Variants in TTC27 observed in about 807,000 individuals in gnomAD.
The protein encoded by TTC27 is tetratricopeptide repeat protein 27.
In TTC27, 79 loss-of-function variants were observed where a neutral mutation model predicts 115.9. That is an observed-to-expected ratio of 0.68 (90% CI 0.57 to 0.82). The LOEUF (loss-of-function observed/expected upper bound fraction) is 0.82, where lower values mean the gene tolerates loss of function less well. TTC27 is among the 40% of genes least tolerant of loss of function. TTC27 has a pLI of 0.00. For missense variants in TTC27, 1,054 were observed against 993.1 expected (o/e 1.06, Z -0.82); for synonymous variants, 401 against 356.0 (o/e 1.13, Z -1.42).
Position 32,650,137 on chromosome 2 carries a change from C to T in TTC27, c.544C>T (p.Pro182Ser). The T allele has an allele frequency of 6.2e-7, 1 of 1,612,840 alleles. No homozygotes were observed. Among genetic ancestry groups the T allele is most frequent in the Non-Finnish European group, 8.5e-7 (1 of 1,179,222 alleles). Residue 182 changes from proline to serine, a missense_variant, in exon 5 of 20, where the codon CCA becomes TCA. Transcript: ENST00000317907. ...RHKLTAIQSLPWWTLRCVNIH... is the reference protein window; with the variant it reads ...RHKLTAIQSLSWWTLRCVNIH... ...ACGTGGTGTTTTTTCCTAGAGCTTG[C>T]CATGGTGGACTTTGAGATGTGTGAA...
In TTC27 at chr2:32,667,203, T is replaced by C. The variant is rs1034259916; in HGVS notation, c.939+435T>C. On this transcript the variant is annotated intron_variant, in intron 7 of 19. Coordinates refer to ENST00000317907, the MANE Select transcript of TTC27 (RefSeq NM_017735.5). ...ATATAAACATTATCAGAATTCCTTT[T>C]CACTAGTTTTGTGATCGGCCTTTTG... Among the ~76,000 whole-genome samples, 103 of 152,136 alleles carry C rather than the reference T, an allele frequency of 6.8e-4. 1 individual carries two copies. The highest frequency in any genetic ancestry group is 2.1e-4 in the Non-Finnish European group (14 of 68,040).
At chr2:32,740,603 T>TGA (rs1364006309) in intron 12 of TTC27, among the ~76,000 whole-genome samples, 5 of 152,202 alleles carry the variant, frequency 3.3e-5, no homozygotes, top group African/African-American at 1.2e-4. Context: ...GGGTTAAGTC[T>TGA]GAGCTGTTTC....
chr2:32,664,501 T>C, intron 6 of TTC27, 34 bp downstream of exon 6: 1 of 1,570,644 alleles, frequency 6.4e-7, no homozygotes, highest in Non-Finnish European at 8.6e-7. Flanking sequence ...ATTGATTTTA[T>C]TTTTATGATA....
At chr2:32,717,128 C>T (rs576243211) in intron 10 of TTC27, among the ~76,000 whole-genome samples, 1 of 151,878 alleles carries the variant, frequency 6.6e-6, no homozygotes. Flanking sequence ...TTCAGCCCCC[C>T]ACGCCCAACT....
intron 3 of TTC27, among the ~76,000 whole-genome samples, chr2:32,635,012 C>G (rs2151859847): frequency 6.6e-6 from 1 of 152,194 alleles, no homozygotes; most frequent in East Asian, 1.9e-4. Context: ...GGTTTGCTCC[C>G]AGGGGTGGCT....
At chr2:32,739,314 G>T (rs1294267467) in intron 12 of TTC27, among the ~76,000 whole-genome samples, 1 of 152,038 alleles carries the variant, frequency 6.6e-6, no homozygotes, top group Non-Finnish European at 1.5e-5. Flanking sequence ...TAAGCAAGTT[G>T]GTAAATCACA....
At chr2:32,699,857 T>C (rs1465807379) in intron 9 of TTC27, among the ~76,000 whole-genome samples, 1 of 152,236 alleles carries the variant, frequency 6.6e-6, no homozygotes, top group Non-Finnish European at 1.5e-5. Context: ...TTGGTTGACC[T>C]TCAAATAAAA....
chr2:32,708,417 T>C (rs993133048), intron 10 of TTC27, among the ~76,000 whole-genome samples: 10 of 149,772 alleles, frequency 6.7e-5, no homozygotes, highest in African/African-American at 2.5e-4. Flanking sequence ...GTTCAAGCGA[T>C]TCTCTTGCCT....
intron 16 of TTC27, among the ~76,000 whole-genome samples, chr2:32,805,913 T>A (rs1052074135): frequency 1.3e-5 from 2 of 152,224 alleles, no homozygotes; most frequent in Admixed American, 6.5e-5. Flanking sequence ...CATGACCTAC[T>A]TCAGCAACTA....
At chr2:32,789,128 ATTGT>A (rs1205050680) in intron 16 of TTC27, among the ~76,000 whole-genome samples, 1 of 152,158 alleles carries the variant, frequency 6.6e-6, no homozygotes, top group Non-Finnish European at 1.5e-5. Flanking sequence ...CTATTCAAAG[ATTGT>A]TTGGAAAAGC....
At chr2:32,768,643 G>A (rs968392607) in intron 13 of TTC27, among the ~76,000 whole-genome samples, 1 of 152,142 alleles carries the variant, frequency 6.6e-6, no homozygotes, top group Non-Finnish European at 1.5e-5. Flanking sequence ...TTGTGGTTTT[G>A]AATTAAAAAG....
At chr2:32,713,168 C>T (rs1044746537) in intron 10 of TTC27, among the ~76,000 whole-genome samples, 6 of 152,078 alleles carry the variant, frequency 3.9e-5, no homozygotes, top group Non-Finnish European at 8.8e-5. Flanking sequence ...TAGACTTCCC[C>T]GTCTCCAGAA....
chr2:32,696,817 A>G (rs899259757), intron 9 of TTC27, among the ~76,000 whole-genome samples: 1 of 152,246 alleles, frequency 6.6e-6, no homozygotes, highest in African/African-American at 2.4e-5. Flanking sequence ...AAGATAGGAT[A>G]AAGTATCTTC....
At chr2:32,766,129 A>G (rs1484230203) in intron 13 of TTC27, among the ~76,000 whole-genome samples, 2 of 152,222 alleles carry the variant, frequency 1.3e-5, no homozygotes, top group Non-Finnish European at 2.9e-5. Context: ...AGTTTTCGAC[A>G]TGCCTTTCTC....
At chr2:32,682,189 C>T (rs1666455342) in intron 9 of TTC27, among the ~76,000 whole-genome samples, 1 of 151,988 alleles carries the variant, frequency 6.6e-6, no homozygotes, top group Non-Finnish European at 1.5e-5. Flanking sequence ...ATATCCTACA[C>T]CCTGGAATAG....
intron 4 of TTC27, among the ~76,000 whole-genome samples, chr2:32,645,740 A>C (rs1034730606): frequency 6.6e-6 from 1 of 151,712 alleles, no homozygotes; most frequent in African/African-American, 2.4e-5. Flanking sequence ...TTTTTGAGAC[A>C]GAGTTTTACT....
rs1030997573 is a variant in TTC27, at chr2:32,763,993, T to C, written c.1680+5474T>C. ...GTAGTTATTATTCCTGTTAACACTC[T>C]ACTTTTATGCAAAAATGTAAAAACC... On this transcript the variant is annotated intron_variant, in intron 13 of 19. Coordinates refer to ENST00000317907, the MANE Select transcript of TTC27 (RefSeq NM_017735.5). Among the ~76,000 whole-genome samples, 3 of 152,222 alleles carry C rather than the reference T, an allele frequency of 2.0e-5. No homozygotes were observed. The East Asian group carries it at 5.8e-4, about 29-fold the overall frequency.
At chr2:32,707,747 A>G (rs1195652697) in intron 10 of TTC27, among the ~76,000 whole-genome samples, 3 of 152,152 alleles carry the variant, frequency 2.0e-5, no homozygotes, top group Non-Finnish European at 4.4e-5. Context: ...TATATATTCC[A>G]TAGCTCTGTC....
At chr2:32,785,937 A>AGT (rs10667004) in intron 15 of TTC27, among the ~76,000 whole-genome samples, 71,463 of 151,668 alleles carry the variant, frequency 0.47, 17,596 homozygotes, top group African/African-American at 0.61. Flanking sequence ...ATTTCCAGTT[A>AGT]TTTTATTCAC....
Sources: gnomAD v4.1 joint callset for allele counts (sites outside exome capture counted in the v4.1 genomes callset) on GRCh38, gnomAD v4.1.1 for gene constraint, MANE v1.5 for transcripts, NCBI Gene and HGNC (gene_info 2026-07-23, HGNC 2026-07-21) for gene names.